Variants in ZNF420 observed in about 807,000 individuals in gnomAD.
The protein encoded by ZNF420 is ATM and p53-associated KZNF protein.
ZNF420 carries 31 observed loss-of-function variants against 44.7 expected under a neutral mutation model. That is an observed-to-expected ratio of 0.69 (90% confidence interval 0.52 to 0.94). The LOEUF (loss-of-function observed/expected upper bound fraction) is 0.94, where lower values mean the gene tolerates loss of function less well. ZNF420 is among the 40% of genes least tolerant of loss of function. ZNF420 has a pLI of 0.00. For synonymous variants in ZNF420, 245 were observed against 267.4 expected, an observed-to-expected ratio of 0.92 and a Z score of 0.82; for missense variants, 681 against 827.9, an observed-to-expected ratio of 0.82 and a Z score of 2.18.
In ZNF420 at chr19:37,129,216, A is replaced by T; in HGVS notation, c.*158A>T. On this transcript the variant is annotated 3_prime_UTR_variant, in exon 5 of 5. Coordinates refer to ENST00000337995, the MANE Select transcript of ZNF420 (RefSeq NM_144689.5). ...GGTAGTGTCATTCATATAGAAAAAC[A>T]TCATTACTGGAAACCTATTAAACAT... 1 of 894,180 alleles carries T rather than the reference A, an allele frequency of 1.1e-6. No individual in the cohort carries two copies. Among genetic ancestry groups the T allele is most frequent in the South Asian group, 1.8e-5 (1 of 54,812 alleles). 55.4% of individuals were successfully genotyped at this position (894,180 alleles called of 1,614,324 possible).
intron 4 of ZNF420, among the ~76,000 whole-genome samples, chr19:37,102,597 G>C (rs943142283): frequency 2.0e-5 from 3 of 152,192 alleles, no homozygotes; most frequent in African/African-American, 7.2e-5. Flanking sequence ...CAGCATGGGA[G>C]ATCAGCCACC....
intron 1 of ZNF420, among the ~76,000 whole-genome samples, chr19:37,020,679 T>G (rs576156645): frequency 1.4e-4 from 22 of 152,316 alleles, no homozygotes; most frequent in Non-Finnish European, 2.2e-4. Flanking sequence ...ATAAGTAAAA[T>G]GCAGTAAATA....
intron 4 of ZNF420, among the ~76,000 whole-genome samples, chr19:37,094,158 C>A (rs1312240035): frequency 6.6e-6 from 1 of 152,100 alleles, no homozygotes; most frequent in African/African-American, 2.4e-5. Context: ...TGTTTGATAA[C>A]CACTGCACTG....
chr19:37,117,742 G>A (rs1433684728), intron 4 of ZNF420, among the ~76,000 whole-genome samples: 2 of 152,132 alleles, frequency 1.3e-5, no homozygotes, highest in African/African-American at 4.8e-5. Context: ...TTATACGTAT[G>A]TATAACTAGA....
At chr19:37,031,590 C>T (rs562447607) in intron 1 of ZNF420, among the ~76,000 whole-genome samples, 12 of 152,222 alleles carry the variant, frequency 7.9e-5, no homozygotes, top group African/African-American at 2.9e-4. Context: ...ACGGCAACCT[C>T]CGCCTCCTGG....
At chr19:37,122,693 T>G (rs375324219) in intron 4 of ZNF420, among the ~76,000 whole-genome samples, 20 of 152,158 alleles carry the variant, frequency 1.3e-4, no homozygotes, top group African/African-American at 4.1e-4. Context: ...TCAATGGCTA[T>G]TCCTTCTTAG....
intron 3 of ZNF420, 37 bp from the exon 4 acceptor site, chr19:37,090,958 T>A: frequency 6.3e-7 from 1 of 1,593,840 alleles, no homozygotes; most frequent in Non-Finnish European, 8.5e-7. Flanking sequence ...AAGCATTTTT[T>A]AAATTTCCAA....
intron 1 of ZNF420, among the ~76,000 whole-genome samples, chr19:37,050,719 C>G (rs2146423094): frequency 6.6e-6 from 1 of 152,272 alleles, no homozygotes; most frequent in Admixed American, 6.5e-5. Flanking sequence ...CTACTCCTAC[C>G]TGATTGCCCT....
Position 37,127,822 on chromosome 19 carries a change from G to A in ZNF420, c.831G>A (p.Lys277=), listed in dbSNP as rs140173769. ...TLHQRLHTGE[K]LYECKECRKV... Reference sequence around the variant, plus strand: ...ACCAGAGACTTCATACTGGTGAAAAGCTCTATGAATGTAAAGAATGTAGGA... The same window carrying A: ...ACCAGAGACTTCATACTGGTGAAAAACTCTATGAATGTAAAGAATGTAGGA... Residue 277 remains lysine, a synonymous_variant, in exon 5 of 5, where the codon AAG becomes AAA. Transcript: ENST00000337995. 1 of 1,613,662 alleles carries A rather than the reference G, an allele frequency of 6.2e-7. No individual in the cohort carries two copies. The highest frequency in any genetic ancestry group is 8.5e-7 in the Non-Finnish European group (1 of 1,179,882).
intron 1 of ZNF420, among the ~76,000 whole-genome samples, chr19:37,072,971 G>A (rs1433468351): frequency 6.6e-6 from 1 of 152,186 alleles, no homozygotes; most frequent in East Asian, 1.9e-4. Flanking sequence ...TTTTTGATAT[G>A]ACTGTACAAA....
intron 2 of ZNF420, 43 bp from the exon 3 acceptor site, chr19:37,088,996 T>C: frequency 2.3e-6 from 2 of 854,012 alleles, no homozygotes; most frequent in Non-Finnish European, 4.0e-6. Context: ...ATTTGTTACT[T>C]TGCAAAACAC....
chr19:37,113,939 GTC>G (rs1414397261), intron 4 of ZNF420, among the ~76,000 whole-genome samples: 1 of 152,224 alleles, frequency 6.6e-6, no homozygotes, highest in East Asian at 1.9e-4. Flanking sequence ...TAAAGAATGA[GTC>G]TATGTCCATG....
intron 4 of ZNF420, chr19:37,107,314 G>A (rs994728769): frequency 2.0e-5 from 3 of 152,318 alleles, no homozygotes; most frequent in African/African-American, 7.2e-5. Flanking sequence ...CTTCCACAGT[G>A]TATTGTGTCC....
At chr19:37,025,770 CTTTTTTTTTTT>C (rs67671586) in intron 1 of ZNF420, among the ~76,000 whole-genome samples, 1 of 129,478 alleles carries the variant, frequency 7.7e-6, no homozygotes, top group Non-Finnish European at 1.6e-5. Flanking sequence ...TTAAACCTGT[CTTTTTTTTTTT>C]TTTTTTTTTT....
intron 1 of ZNF420, among the ~76,000 whole-genome samples, chr19:37,027,460 C>T (rs569786265): frequency 2.0e-5 from 3 of 152,158 alleles, no homozygotes; most frequent in Admixed American, 2.0e-4. Flanking sequence ...AAGATTCACT[C>T]TTTGTGTTCT....
At chr19:37,018,370 G>GA (rs1471023164) in intron 1 of ZNF420, among the ~76,000 whole-genome samples, 1 of 152,022 alleles carries the variant, frequency 6.6e-6, no homozygotes, top group African/African-American at 2.4e-5. Flanking sequence ...AATAAAGCTG[G>GA]AAAAATCACA....
At chr19:37,012,802 GTGTGTGTGTGTC>G (rs1221270161) in intron 1 of ZNF420, among the ~76,000 whole-genome samples, 3,366 of 143,326 alleles carry the variant, frequency 0.023, 140 homozygotes, top group African/African-American at 0.083. Context: ...GTGTGTGTGT[GTGTGTGTGTGTC>G]TCCCATTCTC....
intron 4 of ZNF420, among the ~76,000 whole-genome samples, chr19:37,096,305 A>G (rs1014598649): frequency 6.6e-6 from 1 of 151,678 alleles, no homozygotes; most frequent in Non-Finnish European, 1.5e-5. Flanking sequence ...CTTATGTGTC[A>G]TACAATCCCA....
At chr19:37,107,081 G>A (rs972983126) in intron 4 of ZNF420, 2 of 152,186 alleles carry the variant, frequency 1.3e-5, no homozygotes, top group Admixed American at 6.5e-5. Flanking sequence ...CTATTGCCCA[G>A]GGACGAGCAG....
Sources: gnomAD v4.1 joint callset for allele counts (sites outside exome capture counted in the v4.1 genomes callset) on GRCh38, gnomAD v4.1.1 for gene constraint, MANE v1.5 for transcripts, NCBI Gene and HGNC (gene_info 2026-07-23, HGNC 2026-07-21) for gene names.